The following PCOLCE2 variants were observed in gnomAD, a reference collection of about 807,000 sequenced individuals.
PCOLCE2 encodes the protein procollagen C-endopeptidase enhancer 2, also known as procollagen C-proteinase enhancer 2.
Under a neutral mutation model 47.0 loss-of-function variants are expected in PCOLCE2, and 42 were observed. That is an observed-to-expected ratio of 0.89 (90% confidence interval 0.70 to 1.16). The LOEUF (loss-of-function observed/expected upper bound fraction) is 1.16. PCOLCE2 is among the 50% of genes most tolerant of loss of function. PCOLCE2 has a pLI of 0.00. For missense variants in PCOLCE2, 500 were observed against 526.1 expected (o/e 0.95, Z 0.49); for synonymous variants, 169 against 191.7 (o/e 0.88, Z 0.98).
At chr3:142,868,336 C>T (rs1442807139) in intron 2 of PCOLCE2, among the ~76,000 whole-genome samples, 2 of 152,166 alleles carry the variant, frequency 1.3e-5, no homozygotes, top group East Asian at 1.9e-4. Context: ...TCGTCTTGGC[C>T]AAGGGCATTC....
intron 2 of PCOLCE2, among the ~76,000 whole-genome samples, chr3:142,884,414 A>G (rs1430825884): frequency 6.6e-6 from 1 of 152,112 alleles, no homozygotes; most frequent in Non-Finnish European, 1.5e-5. Context: ...TTTAACTCAT[A>G]CCCACGTCCC....
chr3:142,818,321 G>T lies in PCOLCE2; in HGVS notation c.*14C>A. 1.9e-6 allele frequency: 3 copies of T among 1,611,568 alleles called. No individual in the cohort carries two copies. Among genetic ancestry groups the T allele is most frequent in the Non-Finnish European group, 2.5e-6 (3 of 1,177,996 alleles). On this transcript the variant is annotated 3_prime_UTR_variant, in exon 9 of 9. Transcript: ENST00000295992. ...GCAATGGCAGAATACAGCTTAAATG[G>T]ACACAGTTCACTGTTAACATTGCTT...
chr3:142,836,175 C>T (rs4376003), intron 5 of PCOLCE2, among the ~76,000 whole-genome samples: 58,761 of 152,058 alleles, frequency 0.39, 11,816 homozygotes, highest in Non-Finnish European at 0.42. Flanking sequence ...GGTTTTTGGT[C>T]AGAAATTCTC....
chr3:142,827,481 A>T, intron 6 of PCOLCE2: 1 of 1,518,608 alleles, frequency 6.6e-7, no homozygotes, highest in Non-Finnish European at 9.1e-7. Context: ...TAGTTCCCTG[A>T]TGCCCAGGAC....
intron 2 of PCOLCE2, among the ~76,000 whole-genome samples, chr3:142,877,109 G>A (rs1405073976): frequency 6.6e-6 from 1 of 151,990 alleles, no homozygotes; most frequent in African/African-American, 2.4e-5. Flanking sequence ...TGATGATTTG[G>A]GACTCCAAAG....
intron 2 of PCOLCE2, among the ~76,000 whole-genome samples, chr3:142,848,699 T>G (rs1937356708): frequency 6.6e-6 from 1 of 152,216 alleles, no homozygotes; most frequent in African/African-American, 2.4e-5. Context: ...TTCACAATCT[T>G]ATTCCTTAAG....
chr3:142,884,520 C>G (rs1933685891), intron 2 of PCOLCE2, among the ~76,000 whole-genome samples: 1 of 152,250 alleles, frequency 6.6e-6, no homozygotes, highest in African/African-American at 2.4e-5. Context: ...TCAACCCCAT[C>G]ATGGATTACA....
chr3:142,871,454 G>A (rs1023039720), intron 2 of PCOLCE2, among the ~76,000 whole-genome samples: 3 of 152,204 alleles, frequency 2.0e-5, no homozygotes, highest in Non-Finnish European at 4.4e-5. Flanking sequence ...CATTTTATGG[G>A]TCAACTTGGC....
At chr3:142,846,440 T>G (rs1293547508) in intron 3 of PCOLCE2, among the ~76,000 whole-genome samples, 1 of 152,234 alleles carries the variant, frequency 6.6e-6, no homozygotes, top group Non-Finnish European at 1.5e-5. Flanking sequence ...TCTCAGGTGA[T>G]CTGCCTGCCT....
intron 6 of PCOLCE2, chr3:142,827,737 T>C: frequency 1.3e-6 from 1 of 769,074 alleles, no homozygotes; most frequent in Non-Finnish European, 2.2e-6. Flanking sequence ...TGGGTGACTC[T>C]TAAATTTAAA....
intron 1 of PCOLCE2, chr3:142,888,611 G>A (rs1280732664): frequency 2.6e-5 from 11 of 424,220 alleles, no homozygotes; most frequent in African/African-American, 1.2e-4. Flanking sequence ...GACCCAGGAG[G>A]GAGCCCCGCG....
chr3:142,861,653 CA>C (rs1336027201), intron 2 of PCOLCE2, among the ~76,000 whole-genome samples: 14 of 106,768 alleles, frequency 1.3e-4, no homozygotes, highest in Admixed American at 1.2e-3. Flanking sequence ...TTCTGCTCTG[CA>C]CTGTTTCTGT....
rs754792836 is a variant in PCOLCE2 at position 142,848,261 on chromosome 3, T to C, written c.404A>G (p.Asn135Ser). The C allele has an allele frequency of 7.4e-6, 12 of 1,614,086 alleles. No homozygotes were observed. The highest frequency in any genetic ancestry group is 4.5e-5 in the East Asian group (2 of 44,896). ...QMISDANTAG[N>S]GFMAMFSAAE... Reference sequence around the variant, plus strand: ...AGCGGAGAACATGGCCATGAAGCCATTGCCAGCTGTGTTGGCATCAGAAAT... The same window carrying C: ...AGCGGAGAACATGGCCATGAAGCCACTGCCAGCTGTGTTGGCATCAGAAAT... Residue 135 changes from asparagine to serine, a missense_variant, in exon 3 of 9, where the codon AAT (asparagine) becomes AGT (serine). Transcript: ENST00000295992.
chr3:142,831,723 T>G (rs1010311546), intron 5 of PCOLCE2, among the ~76,000 whole-genome samples: 1 of 152,192 alleles, frequency 6.6e-6, no homozygotes, highest in African/African-American at 2.4e-5. Flanking sequence ...AAAGCACTTA[T>G]AAGCAGCAAA....
intron 3 of PCOLCE2, among the ~76,000 whole-genome samples, chr3:142,845,578 T>G (rs74551404): frequency 6.6e-6 from 1 of 152,350 alleles, no homozygotes; most frequent in East Asian, 1.9e-4. Flanking sequence ...AAAATGCCTT[T>G]CAGAGATTTT....
At position 142,865,297 on chromosome 3, in the gene PCOLCE2, T is replaced by C. The variant is rs1414289446; in HGVS notation, c.193-16825A>G. On this transcript the variant is annotated intron_variant, in intron 2 of 8. Transcript: ENST00000295992. ...CATTTATACATCTTCTCTAGTGAAA[T>C]GTCTATTCAAATCTTTTGCCTGTTT... is the stretch of plus-strand genomic sequence containing the variant. Among the ~76,000 whole-genome samples, 6 of 152,258 alleles carry C rather than the reference T, an allele frequency of 3.9e-5. No individual in the cohort carries two copies. In the East Asian group the frequency reaches 1.2e-3, roughly 29 times the overall value.
At chr3:142,821,488 G>C (rs1404489682) in intron 7 of PCOLCE2, among the ~76,000 whole-genome samples, 2 of 151,978 alleles carry the variant, frequency 1.3e-5, no homozygotes. Context: ...TGTCGGTGTG[G>C]GTGTGTAGCC....
intron 2 of PCOLCE2, among the ~76,000 whole-genome samples, chr3:142,886,607 A>G (rs73232771): frequency 1.7e-4 from 26 of 152,204 alleles, no homozygotes; most frequent in African/African-American, 6.0e-4. Context: ...GACCTCTCAT[A>G]TCTGCCTGCA....
chr3:142,847,925 T>C (rs1937344845), intron 3 of PCOLCE2, among the ~76,000 whole-genome samples: 1 of 152,240 alleles, frequency 6.6e-6, no homozygotes, highest in African/African-American at 2.4e-5. Context: ...GCCATGGCTA[T>C]TTCTGGAGAA....
Sources: allele counts gnomAD v4.1 joint callset (sites outside exome capture counted in the v4.1 genomes callset), GRCh38; gene constraint gnomAD v4.1.1; transcripts MANE v1.5; gene names NCBI Gene and HGNC (gene_info 2026-07-23, HGNC 2026-07-21).